The following NUP133 variants were observed in gnomAD, a reference collection of about 807,000 sequenced individuals.
The protein encoded by NUP133 is nuclear pore complex protein Nup133.
A neutral mutation model predicts 146.2 loss-of-function variants in NUP133; 66 were observed. The observed-to-expected ratio is 0.45, with a 90% CI of 0.37 to 0.55. NUP133 has a LOEUF of 0.55. Among genes scored for constraint, NUP133 ranks in the 20% least tolerant of loss-of-function variants. The pLI, the probability that NUP133 is intolerant of heterozygous loss-of-function variation, is 0.00. For missense variants in NUP133, 1,277 were observed against 1,374.8 expected (o/e 0.93, Z 1.12); for synonymous variants, 521 against 498.8 (o/e 1.04, Z -0.59).
At chr1:229,460,526 C>T in intron 20 of NUP133, 85 bp downstream of exon 20, 6 of 1,334,360 alleles carry the variant, frequency 4.5e-6, no homozygotes, top group Non-Finnish European at 6.2e-6. Flanking sequence ...TGACAGTAAA[C>T]AGTATTTTAA....
At chr1:229,465,627 G>T (rs1660793483) in intron 16 of NUP133, 108 bp from the exon 17 acceptor site, 2 of 826,814 alleles carry the variant, frequency 2.4e-6, no homozygotes, top group East Asian at 2.6e-5. Flanking sequence ...ATACTCAGGG[G>T]CCAGGAATGT....
At chr1:229,502,576 A>G (rs1169596449) in intron 2 of NUP133, among the ~76,000 whole-genome samples, 3 of 151,364 alleles carry the variant, frequency 2.0e-5, no homozygotes, top group African/African-American at 4.8e-5. Context: ...AAAAAAAAAA[A>G]AAAAGAAAGA....
At chr1:229,505,041 C>G (rs1047625078) in intron 2 of NUP133, among the ~76,000 whole-genome samples, 3 of 152,066 alleles carry the variant, frequency 2.0e-5, no homozygotes, top group Non-Finnish European at 2.9e-5. Context: ...ATACACAGAC[C>G]TTTTCATTAT....
chr1:229,440,391 A>G lies in NUP133; in HGVS notation c.*1513T>C, dbSNP rs1038345675. The G allele has an allele frequency of 6.6e-6, 1 of 151,978 alleles. No homozygotes were observed. Among genetic ancestry groups the G allele is most frequent in the Non-Finnish European group, 1.5e-5 (1 of 68,046 alleles). The allele number at this position is 151,978 out of a possible 1,614,324, so 9.4% of individuals were successfully genotyped here. ...TTCTTCCCTTGAACAGGATGACTCT[A>G]CTTCACACGGTAAGAGCAGTCGTTC... is the stretch of plus-strand genomic sequence containing the variant. On this transcript the variant is annotated 3_prime_UTR_variant, in exon 26 of 26. Coordinates refer to ENST00000261396, the MANE Select transcript of NUP133 (RefSeq NM_018230.3).
intron 6 of NUP133, among the ~76,000 whole-genome samples, chr1:229,496,504 A>C (rs1443307489): frequency 1.3e-5 from 2 of 152,106 alleles, no homozygotes; most frequent in East Asian, 1.9e-4. Flanking sequence ...ACCAGAAATG[A>C]GTGATCCTGA....
chr1:229,442,156 G>T, intron 25 of NUP133, 116 bp from the exon 26 acceptor site: 1 of 982,106 alleles, frequency 1.0e-6, no homozygotes, highest in Non-Finnish European at 1.5e-6. Flanking sequence ...TCACTTTGCT[G>T]TTGGGAAATA....
intron 2 of NUP133, among the ~76,000 whole-genome samples, chr1:229,505,423 T>A (rs907768950): frequency 1.3e-5 from 2 of 151,948 alleles, no homozygotes; most frequent in African/African-American, 4.8e-5. Context: ...GTTTCAGGCA[T>A]CCACTGGGGA....
At chr1:229,500,686 G>C in intron 4 of NUP133, 70 bp downstream of exon 4, 1 of 875,930 alleles carries the variant, frequency 1.1e-6, no homozygotes, top group African/African-American at 1.7e-5. Context: ...AATCAAAGAG[G>C]ATGATTCCTC....
intron 15 of NUP133, 93 bp from the exon 16 acceptor site, chr1:229,466,849 T>G (rs1660838100): frequency 8.2e-7 from 1 of 1,213,190 alleles, no homozygotes; most frequent in Non-Finnish European, 1.2e-6. Flanking sequence ...AGCCATATCC[T>G]CAGACCTATA....
chr1:229,461,746 T>C lies in NUP133; in HGVS notation c.2686-977A>G, dbSNP rs184570775. On this transcript the variant is annotated intron_variant, in intron 19 of 25. Transcript: ENST00000261396. Reference sequence around the variant, plus strand: ...AGGACTTTAAAATAACATTTAAACATGTTAAATATAAGAAAAAATGCAAAA... The same window carrying C: ...AGGACTTTAAAATAACATTTAAACACGTTAAATATAAGAAAAAATGCAAAA... 5.3e-5 allele frequency among the ~76,000 whole-genome samples: 8 copies of C among 152,004 alleles called. No homozygotes were observed. In the East Asian group the frequency reaches 1.5e-3, roughly 29 times the overall value.
intron 6 of NUP133, among the ~76,000 whole-genome samples, chr1:229,497,493 C>A (rs1661683552): frequency 1.3e-5 from 2 of 152,144 alleles, no homozygotes; most frequent in African/African-American, 4.8e-5. Context: ...AAGAGGGAAA[C>A]AGCACAGTAA....
At chr1:229,455,988 T>C (rs1447548549) in intron 21 of NUP133, among the ~76,000 whole-genome samples, 1 of 152,224 alleles carries the variant, frequency 6.6e-6, no homozygotes, top group Non-Finnish European at 1.5e-5. Flanking sequence ...CTTAGGTTCC[T>C]TTCATCTAAA....
intron 6 of NUP133, 21 bp downstream of exon 6, chr1:229,498,115 A>G: frequency 6.6e-7 from 1 of 1,516,268 alleles, no homozygotes; most frequent in Non-Finnish European, 8.9e-7. Flanking sequence ...AGCTTGTAAA[A>G]TAGTTATTTT....
intron 8 of NUP133, 113 bp downstream of exon 8, chr1:229,495,382 C>T: frequency 1.4e-6 from 1 of 721,664 alleles, no homozygotes; most frequent in Non-Finnish European, 2.4e-6. Flanking sequence ...TAGAGTGAGA[C>T]CCTGTCTCCA....
chr1:229,472,826 C>T (rs1032347784), intron 14 of NUP133, among the ~76,000 whole-genome samples: 4 of 151,726 alleles, frequency 2.6e-5, no homozygotes, highest in Middle Eastern at 3.4e-3. Flanking sequence ...CTTCCCTCAA[C>T]ATCAGAAAAC....
In NUP133 at chr1:229,475,622, C is replaced by T; in HGVS notation, c.1851+16G>A. ...GCCAAAGGCAGAGCCCTGTGCCCAG[C>T]ACCCTGCGCTCTTACTTGATGAATA... On this transcript the variant is annotated intron_variant, in intron 14 of 25. Transcript: ENST00000261396. 1 of 1,589,706 alleles carries T rather than the reference C, an allele frequency of 6.3e-7. No homozygotes were observed. Among genetic ancestry groups the T allele is most frequent in the South Asian group, 1.1e-5 (1 of 90,604 alleles).
Position 229,465,490 on chromosome 1 carries a change from G to T in NUP133, c.2229C>A (p.Arg743=). The change falls in exon 17 of 26, where the codon CGC becomes CGA. Residue 743 remains arginine (R), a synonymous_variant. Coordinates refer to ENST00000261396, the MANE Select transcript of NUP133 (RefSeq NM_018230.3). The part of the protein sequence containing the change: ...KDMLQAASHY[R]QNRNSLYRRE... ...TTCTATACAAAGAGTTTCTATTTTG[G>T]CGATAATGACTAGCAGCCTGCAGCA... The T allele has an allele frequency of 6.2e-7, 1 of 1,613,734 alleles. No homozygotes were observed. Among genetic ancestry groups the T allele is most frequent in the Non-Finnish European group, 8.5e-7 (1 of 1,179,886 alleles).
chr1:229,478,679 C>T (rs1292574434), intron 12 of NUP133, among the ~76,000 whole-genome samples: 1 of 152,106 alleles, frequency 6.6e-6, no homozygotes, highest in Admixed American at 6.5e-5. Context: ...TGTCAATGAA[C>T]CCACCAGGGG....
chr1:229,504,703 T>C (rs528993591), intron 2 of NUP133, among the ~76,000 whole-genome samples: 9 of 152,212 alleles, frequency 5.9e-5, no homozygotes, highest in Non-Finnish European at 4.4e-5. Flanking sequence ...CCTGATCAAC[T>C]CTGTAAACAG....
Sources: gnomAD v4.1 joint callset for allele counts (sites outside exome capture counted in the v4.1 genomes callset) on GRCh38, gnomAD v4.1.1 for gene constraint, MANE v1.5 for transcripts, NCBI Gene and HGNC (gene_info 2026-07-23, HGNC 2026-07-21) for gene names.